The following TBX15 variants were observed in gnomAD, a reference collection of about 807,000 sequenced individuals.
TBX15 encodes T-box transcription factor 15.
In TBX15, 18 loss-of-function variants were observed where a neutral mutation model predicts 53.9. The ratio of observed to expected loss-of-function variants is 0.33; its 90% CI spans 0.23 to 0.49. The LOEUF (loss-of-function observed/expected upper bound fraction) is 0.49. Ranked by LOEUF, TBX15 falls within the 20% of genes least tolerant of loss-of-function variation. The probability of loss-of-function intolerance (pLI) is 0.98; values close to 1 mark genes in which losing one functional copy is unlikely to be tolerated. For missense variants in TBX15, 692 were observed against 749.5 expected, an observed-to-expected ratio of 0.92 and a Z score of 0.90; for synonymous variants, 295 against 278.0, an observed-to-expected ratio of 1.06 and a Z score of -0.61.
At chr1:118,931,250 A>G (rs984304565) in intron 2 of TBX15, among the ~76,000 whole-genome samples, 1 of 152,262 alleles carries the variant, frequency 6.6e-6, no homozygotes, top group Non-Finnish European at 1.5e-5. Flanking sequence ...AATACTTTAG[A>G]AGATGCAAGT....
At chr1:118,898,491 A>G (rs1205859183) in intron 7 of TBX15, among the ~76,000 whole-genome samples, 1 of 152,138 alleles carries the variant, frequency 6.6e-6, no homozygotes, top group Non-Finnish European at 1.5e-5. Flanking sequence ...GGGAAAGTCT[A>G]CTTATTCCAC....
chr1:118,953,671 C>A (rs942919623), intron 1 of TBX15, among the ~76,000 whole-genome samples: 1 of 152,148 alleles, frequency 6.6e-6, no homozygotes, highest in Non-Finnish European at 1.5e-5. Flanking sequence ...AACCCAGTAC[C>A]AACACTTTAT....
chr1:118,920,511 A>G (rs1038979805), intron 5 of TBX15, among the ~76,000 whole-genome samples: 2 of 152,208 alleles, frequency 1.3e-5, no homozygotes, highest in African/African-American at 4.8e-5. Flanking sequence ...GTGAGGAGGA[A>G]TAACAGAAAT....
Position 118,884,428 on chromosome 1 carries a change from C to T in TBX15, c.*304G>A. 1 of 433,078 alleles carries T rather than the reference C, an allele frequency of 2.3e-6. No individual in the cohort carries two copies. Among genetic ancestry groups the T allele is most frequent in the South Asian group, 2.4e-5 (1 of 42,190 alleles). 26.8% of individuals were successfully genotyped at this position (433,078 alleles called of 1,614,324 possible). A position where few individuals can be genotyped will look rare whatever the true frequency, so the allele number is the denominator to read the frequency against. ...TGCCACACACTAGCATCTCCCTTAA[C>T]ATTATGACGAAGTGATTATTCAGTC... On this transcript the variant is annotated 3_prime_UTR_variant, in exon 8 of 8. Coordinates refer to ENST00000369429, the MANE Select transcript of TBX15 (RefSeq NM_001330677.2).
In TBX15 at chr1:118,891,102, C is replaced by G. The variant is rs552725321; in HGVS notation, c.1025-5586G>C. On this transcript the variant is annotated intron_variant, in intron 7 of 7. Coordinates refer to ENST00000369429, the MANE Select transcript of TBX15 (RefSeq NM_001330677.2). ...ATTACTTAGTTGAGATGAGTACCATCCTCATAATGCAAACATGAACATTAG... is the reference window on the plus strand; with the variant it reads ...ATTACTTAGTTGAGATGAGTACCATGCTCATAATGCAAACATGAACATTAG... The G allele has an allele frequency of 6.2e-5, 16 of 256,958 alleles. No homozygotes were observed. The South Asian group carries it at 8.6e-4, about 14-fold the overall frequency. The allele number at this position is 256,958 out of a possible 1,614,324, so 15.9% of individuals were successfully genotyped here.
chr1:118,984,466 G>C (rs962594629), intron 1 of TBX15, among the ~76,000 whole-genome samples: 7 of 152,262 alleles, frequency 4.6e-5, no homozygotes, highest in Admixed American at 6.5e-5. Context: ...GCTGAGGTCC[G>C]AGCGCAGATG....
At position 118,988,005 on chromosome 1, in the gene TBX15, C is replaced by T. The variant is rs1414652603; in HGVS notation, c.-210G>A. Reference sequence around the variant, plus strand: ...ATCCGACCTGCGCCCCTACGCTGGCCCAGCTGCTAGGAACTAGCGCCCCGA... The same window carrying T: ...ATCCGACCTGCGCCCCTACGCTGGCTCAGCTGCTAGGAACTAGCGCCCCGA... On this transcript the variant is annotated 5_prime_UTR_variant, in exon 1 of 8. Transcript: ENST00000369429. 3 of 656,720 alleles carry T rather than the reference C, an allele frequency of 4.6e-6. No homozygotes were observed. Among genetic ancestry groups the T allele is most frequent in the South Asian group, 2.0e-5 (1 of 50,310 alleles). The allele number at this position is 656,720 out of a possible 1,614,324, so 40.7% of individuals were successfully genotyped here.
chr1:118,908,377 CAAAAA>C (rs66887595), intron 6 of TBX15, among the ~76,000 whole-genome samples: 2 of 132,280 alleles, frequency 1.5e-5, no homozygotes, highest in Admixed American at 7.6e-5. Context: ...AGCACAAGAC[CAAAAA>C]AAAAAAAAAA....
At position 118,923,481 on chromosome 1, in the gene TBX15, A is replaced by G. The variant is rs1249646386; in HGVS notation, c.816T>C (p.Phe272=). The G allele has an allele frequency of 1.2e-6, 2 of 1,613,982 alleles. No individual in the cohort carries two copies. The highest frequency in any genetic ancestry group is 8.5e-7 in the Non-Finnish European group (1 of 1,179,940). ...TAACTGTGGTGAACACAGTCTCAGG[A>G]AAGTTGAACGTTTTCACCCCATCCC... ...PVGDGVKTFN[F]PETVFTTVTA... The change falls in exon 5 of 8, where the codon TTT becomes TTC. Residue 272 remains phenylalanine, a synonymous_variant. Coordinates refer to ENST00000369429, the MANE Select transcript of TBX15 (RefSeq NM_001330677.2).
At chr1:118,970,470 A>C (rs1657197706) in intron 1 of TBX15, among the ~76,000 whole-genome samples, 1 of 152,236 alleles carries the variant, frequency 6.6e-6, no homozygotes, top group Non-Finnish European at 1.5e-5. Context: ...TTAAAGAGAA[A>C]CCGTCTTGCA....
chr1:118,965,357 G>A (rs1657003543), intron 1 of TBX15, among the ~76,000 whole-genome samples: 1 of 152,194 alleles, frequency 6.6e-6, no homozygotes, highest in Non-Finnish European at 1.5e-5. Context: ...GAGAATTTAT[G>A]ATGAAATCAA....
intron 2 of TBX15, among the ~76,000 whole-genome samples, chr1:118,931,293 T>G (rs1438918006): frequency 5.3e-5 from 8 of 152,216 alleles, no homozygotes; most frequent in African/African-American, 1.9e-4. Flanking sequence ...TTGAAAGTAT[T>G]TAATGGTGAA....
chr1:118,915,014 A>T (rs1213125591), intron 5 of TBX15, among the ~76,000 whole-genome samples: 2 of 152,174 alleles, frequency 1.3e-5, no homozygotes, highest in Admixed American at 1.3e-4. Flanking sequence ...GTTCTGGCAA[A>T]CCCTGCCATG....
At chr1:118,936,246 C>T (rs927450153) in intron 1 of TBX15, among the ~76,000 whole-genome samples, 5 of 152,060 alleles carry the variant, frequency 3.3e-5, no homozygotes, top group African/African-American at 4.8e-5. Flanking sequence ...CTAACAAAAG[C>T]GAACCAACTA....
At chr1:118,913,240 A>T (rs1379602218) in intron 6 of TBX15, among the ~76,000 whole-genome samples, 2 of 152,182 alleles carry the variant, frequency 1.3e-5, no homozygotes. Flanking sequence ...TATAAAAAAA[A>T]AAAATCTATT....
At position 118,988,031 on chromosome 1, in the gene TBX15, G is replaced by A; in HGVS notation, c.-236C>T. 1.7e-6 allele frequency: 1 copy of A among 590,354 alleles called. No individual in the cohort carries two copies. The highest frequency in any genetic ancestry group is 2.9e-6 in the Non-Finnish European group (1 of 339,594). The allele number at this position is 590,354 out of a possible 1,614,324, so 36.6% of individuals were successfully genotyped here. On this transcript the variant is annotated 5_prime_UTR_variant, in exon 1 of 8. Coordinates refer to ENST00000369429, the MANE Select transcript of TBX15 (RefSeq NM_001330677.2). ...CAGCTGCTAGGAACTAGCGCCCCGAGCGCCGCCCGCTCGCTGCATGAGCGC... is the reference window on the plus strand; with the variant it reads ...CAGCTGCTAGGAACTAGCGCCCCGAACGCCGCCCGCTCGCTGCATGAGCGC...
chr1:118,977,338 T>A (rs1571218799), intron 1 of TBX15, among the ~76,000 whole-genome samples: 1 of 152,078 alleles, frequency 6.6e-6, no homozygotes. Flanking sequence ...ACAGAGTGCC[T>A]ATTTAATAAA....
chr1:118,883,067 T>A lies in TBX15; in HGVS notation c.*1665A>T, dbSNP rs925653884. ...AGAAAACAATTGCAAAGATTTTATT[T>A]AGCGGCTTTCTGTGCTTGGCACTTA... On this transcript the variant is annotated 3_prime_UTR_variant, in exon 8 of 8. Coordinates refer to ENST00000369429, the MANE Select transcript of TBX15 (RefSeq NM_001330677.2). The A allele has an allele frequency of 2.0e-5, 3 of 152,680 alleles. No individual in the cohort carries two copies. Among genetic ancestry groups the A allele is most frequent in the Non-Finnish European group, 4.4e-5 (3 of 68,048 alleles). 9.5% of individuals were successfully genotyped at this position (152,680 alleles called of 1,614,324 possible).
At chr1:118,890,618 A>G (rs1264520166) in intron 7 of TBX15, among the ~76,000 whole-genome samples, 2 of 152,230 alleles carry the variant, frequency 1.3e-5, no homozygotes, top group African/African-American at 4.8e-5. Context: ...GTATGAGGAC[A>G]ATAACCTAGA....
Sources: gnomAD v4.1 joint callset for allele counts (sites outside exome capture counted in the v4.1 genomes callset) on GRCh38, gnomAD v4.1.1 for gene constraint, MANE v1.5 for transcripts, NCBI Gene and HGNC (gene_info 2026-07-23, HGNC 2026-07-21) for gene names.